The following CHSY3 variants were observed in gnomAD, a reference collection of about 807,000 sequenced individuals.
The protein encoded by CHSY3 is N-acetylgalactosaminyl-proteoglycan 3-beta-glucuronosyltransferase 3.
CHSY3 carries 35 observed loss-of-function variants against 67.2 expected under a neutral mutation model. The observed-to-expected ratio is 0.52, with a 90% CI of 0.40 to 0.69. CHSY3 has a LOEUF of 0.69. Among genes scored for constraint, CHSY3 ranks in the 30% least tolerant of loss-of-function variants. The pLI is 0.00. For synonymous variants in CHSY3, 474 were observed against 434.7 expected (o/e 1.09, Z -1.12); for missense variants, 1,069 against 1,138.5 (o/e 0.94, Z 0.88).
intron 2 of CHSY3, among the ~76,000 whole-genome samples, chr5:130,119,751 G>A (rs1046335655): frequency 6.6e-6 from 1 of 152,032 alleles, no homozygotes; most frequent in Non-Finnish European, 1.5e-5. Context: ...CCCCTAACTT[G>A]ATAGAATATT....
chr5:129,935,474 T>C (rs1357138937), intron 2 of CHSY3, among the ~76,000 whole-genome samples: 1 of 152,172 alleles, frequency 6.6e-6, no homozygotes, highest in African/African-American at 2.4e-5. Flanking sequence ...AGGTTGGTTC[T>C]TGACAATGTA....
chr5:130,133,771 T>TAAAAAAAAAAAAAAAAAAAA (rs758023976), intron 2 of CHSY3, among the ~76,000 whole-genome samples: 1 of 58,118 alleles, frequency 1.7e-5, no homozygotes, highest in Non-Finnish European at 3.1e-5. Flanking sequence ...GACTCCGTCT[T>TAAAAAAAAAAAAAAAAAAAA]AAAAAAAAAA....
intron 2 of CHSY3, among the ~76,000 whole-genome samples, chr5:129,974,682 T>C (rs1325849514): frequency 1.3e-5 from 2 of 152,088 alleles, no homozygotes; most frequent in East Asian, 3.9e-4. Flanking sequence ...GAGCAGAAAG[T>C]TGAGCACAGA....
At chr5:130,105,599 C>T (rs1475161412) in intron 2 of CHSY3, among the ~76,000 whole-genome samples, 1 of 151,684 alleles carries the variant, frequency 6.6e-6, no homozygotes, top group Non-Finnish European at 1.5e-5. Flanking sequence ...TCATATTATG[C>T]ACATTCCTAT....
chr5:129,936,592 T>C (rs1761500748), intron 2 of CHSY3, among the ~76,000 whole-genome samples: 1 of 152,190 alleles, frequency 6.6e-6, no homozygotes, highest in African/African-American at 2.4e-5. Flanking sequence ...GCTGGGCAGC[T>C]GGGTCTGATG....
intron 2 of CHSY3, among the ~76,000 whole-genome samples, chr5:130,054,568 C>T (rs1765465600): frequency 6.6e-6 from 1 of 152,106 alleles, no homozygotes; most frequent in Non-Finnish European, 1.5e-5. Context: ...CCCTAAGTTA[C>T]CCTGTGACTA....
chr5:130,160,633 CT>C (rs1426080717), intron 2 of CHSY3, among the ~76,000 whole-genome samples: 1 of 152,166 alleles, frequency 6.6e-6, no homozygotes. Context: ...GGGGAAGAGT[CT>C]TTCTCCCCAA....
intron 2 of CHSY3, among the ~76,000 whole-genome samples, chr5:130,019,989 GT>G (rs1352793848): frequency 6.6e-6 from 1 of 152,122 alleles, no homozygotes; most frequent in Non-Finnish European, 1.5e-5. Context: ...AATTAGCTTT[GT>G]ACTGAGGAAT....
At chr5:129,924,223 C>CT (rs1302273782) in intron 2 of CHSY3, among the ~76,000 whole-genome samples, 5 of 152,118 alleles carry the variant, frequency 3.3e-5, no homozygotes, top group African/African-American at 1.2e-4. Flanking sequence ...CTACTAACCA[C>CT]TCTTTTTTAT....
intron 2 of CHSY3, among the ~76,000 whole-genome samples, chr5:130,109,731 A>G (rs766918058): frequency 3.3e-5 from 5 of 151,684 alleles, no homozygotes; most frequent in African/African-American, 1.2e-4. Flanking sequence ...TTGAAGATGA[A>G]TATCGGGAAA....
intron 2 of CHSY3, among the ~76,000 whole-genome samples, chr5:129,932,118 ATATATATATATATATATATATATATG>A (rs1269791207): frequency 3.7e-5 from 1 of 27,080 alleles, no homozygotes; most frequent in Non-Finnish European, 1.2e-4. Flanking sequence ...ATATATATAT[ATATATATATATATATATATATATATG>A]TATATGAGAG....
At chr5:130,089,405 T>G (rs1406985107) in intron 2 of CHSY3, among the ~76,000 whole-genome samples, 2 of 151,710 alleles carry the variant, frequency 1.3e-5, no homozygotes, top group African/African-American at 4.8e-5. Context: ...ATAAAAAAAT[T>G]TAAAAAGTAA....
At position 130,143,808 on chromosome 5, in the gene CHSY3, G is replaced by A. The variant is rs868464076; in HGVS notation, c.1087-40421G>A. ...TGTATATATATATATATATATATGT[G>A]TGTATATATATATATATATATATAT... On this transcript the variant is annotated intron_variant, in intron 2 of 2. Transcript: ENST00000305031. Among the ~76,000 whole-genome samples, 284 of 33,924 alleles carry A rather than the reference G, an allele frequency of 8.4e-3. 4 individuals are homozygous for A. The highest frequency in any genetic ancestry group is 0.011 in the Non-Finnish European group (182 of 17,034). The allele number at this position is 33,924 out of a possible 152,430, so 22.3% of individuals were successfully genotyped here. A position where few individuals can be genotyped will look rare whatever the true frequency, so the allele number is the denominator to read the frequency against.
intron 2 of CHSY3, among the ~76,000 whole-genome samples, chr5:129,966,539 AAAAT>A (rs1762473471): frequency 6.6e-6 from 1 of 151,994 alleles, no homozygotes; most frequent in East Asian, 1.9e-4. Flanking sequence ...TTTTTAATGA[AAAAT>A]AAGTAAATAA....
At chr5:130,128,694 G>A (rs1478589235) in intron 2 of CHSY3, among the ~76,000 whole-genome samples, 2 of 152,094 alleles carry the variant, frequency 1.3e-5, no homozygotes, top group Non-Finnish European at 2.9e-5. Context: ...AAAAGGAATG[G>A]TAGGAAATTT....
chr5:130,154,946 G>A (rs959038901), intron 2 of CHSY3, among the ~76,000 whole-genome samples: 2 of 152,084 alleles, frequency 1.3e-5, no homozygotes, highest in African/African-American at 2.4e-5. Flanking sequence ...GATTCACTAG[G>A]TTTGGGGTGG....
At chr5:129,968,613 T>G (rs185872559) in intron 2 of CHSY3, among the ~76,000 whole-genome samples, 1 of 151,820 alleles carries the variant, frequency 6.6e-6, no homozygotes, top group Non-Finnish European at 1.5e-5. Context: ...TAGTTCCTTA[T>G]GAATTTTGCT....
intron 2 of CHSY3, among the ~76,000 whole-genome samples, chr5:130,149,406 G>T (rs947863606): frequency 6.6e-6 from 1 of 152,186 alleles, no homozygotes; most frequent in Non-Finnish European, 1.5e-5. Flanking sequence ...GCAGGAGGTT[G>T]TACATCACAT....
At chr5:130,062,842 G>A (rs1486337966) in intron 2 of CHSY3, among the ~76,000 whole-genome samples, 1 of 151,778 alleles carries the variant, frequency 6.6e-6, no homozygotes, top group Non-Finnish European at 1.5e-5. Flanking sequence ...CATATTTTAA[G>A]TTATATATTA....
Sources: allele counts gnomAD v4.1 joint callset (sites outside exome capture counted in the v4.1 genomes callset), GRCh38; gene constraint gnomAD v4.1.1; transcripts MANE v1.5; gene names NCBI Gene and HGNC (gene_info 2026-07-23, HGNC 2026-07-21).